Variants in RBFOX3 observed in about 807,000 individuals in gnomAD.
RBFOX3 encodes RNA binding protein fox-1 homolog 3.
A neutral mutation model predicts 48.7 loss-of-function variants in RBFOX3; 17 were observed. The observed-to-expected ratio is 0.35, with a 90% CI of 0.24 to 0.52. The LOEUF is 0.52. Among genes scored for constraint, RBFOX3 ranks in the 20% least tolerant of loss-of-function variants. RBFOX3 has a pLI of 0.94. For missense variants in RBFOX3, 382 were observed against 497.5 expected (o/e 0.77, Z 2.21); for synonymous variants, 212 against 209.5 (o/e 1.01, Z -0.10).
chr17:79,647,769 C>T, the RBFOX3 span, among the ~76,000 whole-genome samples: 1 of 152,158 alleles, frequency 6.6e-6, no homozygotes, highest in Admixed American at 6.5e-5. Context: ...TGCCTCCTCC[C>T]CAACCTTCCA....
intron 2 of RBFOX3, among the ~76,000 whole-genome samples, chr17:79,462,987 C>A (rs541608053): frequency 4.0e-5 from 6 of 151,288 alleles, no homozygotes; most frequent in Non-Finnish European, 5.9e-5. Flanking sequence ...ACCACCATCG[C>A]CACTGCCACT....
At chr17:79,329,042 G>A (rs11077427) in intron 2 of RBFOX3, among the ~76,000 whole-genome samples, 85,184 of 151,846 alleles carry the variant, frequency 0.56, 24,249 homozygotes, top group African/African-American at 0.65. Context: ...AAGGACCCAC[G>A]TGGCCAGGAG....
chr17:79,351,800 A>G (rs572972032), intron 2 of RBFOX3, among the ~76,000 whole-genome samples: 1 of 152,226 alleles, frequency 6.6e-6, no homozygotes, highest in African/African-American at 2.4e-5. Flanking sequence ...CACTTTCTCG[A>G]TAGTGTCCTC....
chr17:79,322,709 C>T (rs1451379110), intron 2 of RBFOX3, among the ~76,000 whole-genome samples: 1 of 152,160 alleles, frequency 6.6e-6, no homozygotes, highest in Non-Finnish European at 1.5e-5. Context: ...TTCTAGGGGT[C>T]TGGGAAGCCC....
intron 4 of RBFOX3, among the ~76,000 whole-genome samples, chr17:79,166,884 C>A (rs1216826008): frequency 2.6e-5 from 4 of 152,230 alleles, no homozygotes; most frequent in African/African-American, 9.7e-5. Flanking sequence ...CCGAATTGCA[C>A]ACCTGCCAAA....
chr17:79,093,808 CA>C (rs1181985410), intron 14 of RBFOX3, among the ~76,000 whole-genome samples: 93 of 149,602 alleles, frequency 6.2e-4, no homozygotes, highest in African/African-American at 2.3e-3. Flanking sequence ...CACACACACA[CA>C]CACACACACA....
chr17:79,436,964 T>C lies in RBFOX3; in HGVS notation c.-175+45490A>G, dbSNP rs371574631. Among the ~76,000 whole-genome samples the C allele has an allele frequency of 1.7e-3, 253 of 152,272 alleles. 1 individual carries two copies. Among genetic ancestry groups the C allele is most frequent in the African/African-American group, 5.8e-3 (242 of 41,572 alleles). On this transcript the variant is annotated intron_variant, in intron 2 of 14. Coordinates refer to ENST00000693108, the MANE Select transcript of RBFOX3 (RefSeq NM_001350451.2). ...AGGGGTGCTGTGGCCAGAGCCGCCATCTTCTGTCCTGGGAAGCACTCTGTT... is the reference window on the plus strand; with the variant it reads ...AGGGGTGCTGTGGCCAGAGCCGCCACCTTCTGTCCTGGGAAGCACTCTGTT...
chr17:79,444,039 G>A (rs2071715511), intron 2 of RBFOX3, among the ~76,000 whole-genome samples: 1 of 152,118 alleles, frequency 6.6e-6, no homozygotes, highest in East Asian at 1.9e-4. Flanking sequence ...TCATACCCTG[G>A]CAGGCCCTGC....
At chr17:79,136,999 C>T (rs2040367534) in intron 4 of RBFOX3, among the ~76,000 whole-genome samples, 1 of 152,154 alleles carries the variant, frequency 6.6e-6, no homozygotes, top group Non-Finnish European at 1.5e-5. Context: ...AGCCACACGC[C>T]TCTGACCTTC....
intron 4 of RBFOX3, among the ~76,000 whole-genome samples, chr17:79,142,605 G>A (rs1314091361): frequency 1.3e-5 from 2 of 152,112 alleles, no homozygotes; most frequent in Non-Finnish European, 2.9e-5. Context: ...TGGGTGTGTG[G>A]AGGTGGGGAG....
chr17:79,250,097 G>A (rs8070499), intron 3 of RBFOX3, among the ~76,000 whole-genome samples: 27,114 of 152,164 alleles, frequency 0.18, 3,075 homozygotes, highest in African/African-American at 0.33. Context: ...TGCCACAGCC[G>A]CGTCAGAAAG....
chr17:79,457,374 T>C (rs1390343703), intron 2 of RBFOX3, among the ~76,000 whole-genome samples: 2 of 152,192 alleles, frequency 1.3e-5, no homozygotes, highest in Non-Finnish European at 2.9e-5. Context: ...GAGGGGTTGC[T>C]TTAATATGGC....
intron 2 of RBFOX3, among the ~76,000 whole-genome samples, chr17:79,410,929 ACCTGCT>A (rs900252519): frequency 4.1e-4 from 63 of 152,250 alleles, no homozygotes; most frequent in African/African-American, 1.4e-3. Context: ...ACGAGCTGGC[ACCTGCT>A]CACACCCCTC....
intron 14 of RBFOX3, among the ~76,000 whole-genome samples, chr17:79,094,097 C>T (rs760970649): frequency 2.0e-5 from 3 of 152,236 alleles, no homozygotes; most frequent in Middle Eastern, 3.4e-3. Flanking sequence ...GAAGGAGAGG[C>T]GGCCCTGGTT....
At chr17:79,226,696 G>C (rs987523153) in intron 4 of RBFOX3, among the ~76,000 whole-genome samples, 1 of 152,186 alleles carries the variant, frequency 6.6e-6, no homozygotes, top group African/African-American at 2.4e-5. Context: ...CTTTTTGGTA[G>C]AGTGGGGATG....
chr17:79,356,528 C>T (rs911198184), intron 2 of RBFOX3, among the ~76,000 whole-genome samples: 3 of 151,554 alleles, frequency 2.0e-5, no homozygotes. Flanking sequence ...GACACCATGT[C>T]CAGCTAATTT....
At chr17:79,585,690 G>T (rs1440480747) in intron 1 of RBFOX3, among the ~76,000 whole-genome samples, 1 of 152,210 alleles carries the variant, frequency 6.6e-6, no homozygotes, top group Non-Finnish European at 1.5e-5. Flanking sequence ...AGCCCAGGGA[G>T]AGTGAAGAAA....
intron 1 of RBFOX3, among the ~76,000 whole-genome samples, chr17:79,510,537 C>T (rs2083978611): frequency 1.3e-5 from 2 of 152,200 alleles, no homozygotes; most frequent in African/African-American, 2.4e-5. Flanking sequence ...CCATCCCAGG[C>T]ATCCATTAAC....
In RBFOX3 at chr17:79,272,124, C is replaced by T. The variant is rs112946949; in HGVS notation, c.-74+35600G>A. Among the ~76,000 whole-genome samples, 33 of 152,316 alleles carry T rather than the reference C, an allele frequency of 2.2e-4. 1 individual carries two copies. The highest frequency in any genetic ancestry group is 7.7e-4 in the African/African-American group (32 of 41,576). On this transcript the variant is annotated intron_variant, in intron 3 of 14. Transcript: ENST00000693108. ...CGAGGGGGAGGGTGGTTAACACCAG[C>T]TTTGGGGTGTGTGGGGCTCCCTGCT...
Sources: gnomAD v4.1 joint callset for allele counts (sites outside exome capture counted in the v4.1 genomes callset) on GRCh38, gnomAD v4.1.1 for gene constraint, MANE v1.5 for transcripts, NCBI Gene and HGNC (gene_info 2026-07-23, HGNC 2026-07-21) for gene names.